ARHGAP42: variants seen among roughly 807,000 people sequenced by gnomAD.
ARHGAP42 encodes the protein Rho GTPase activating protein 42.
Under a neutral mutation model 125.0 loss-of-function variants are expected in ARHGAP42, and 63 were observed. The observed-to-expected ratio is 0.50, with a 90% CI of 0.41 to 0.62. The LOEUF (loss-of-function observed/expected upper bound fraction) is 0.62. Among genes scored for constraint, ARHGAP42 ranks in the 20% least tolerant of loss-of-function variants. The pLI, the probability that ARHGAP42 is intolerant of heterozygous loss-of-function variation, is 0.00. For synonymous variants in ARHGAP42, 339 were observed against 351.0 expected (o/e 0.97, Z 0.38); for missense variants, 766 against 1,024.2 (o/e 0.75, Z 3.44).
chr11:100,937,988 T>C (rs1418731273), intron 8 of ARHGAP42, among the ~76,000 whole-genome samples: 3 of 152,080 alleles, frequency 2.0e-5, no homozygotes, highest in African/African-American at 4.8e-5. Flanking sequence ...TGTTCTAAGA[T>C]GCTTAACTTC....
At chr11:100,788,448 G>A (rs1863486467) in intron 2 of ARHGAP42, among the ~76,000 whole-genome samples, 1 of 152,148 alleles carries the variant, frequency 6.6e-6, no homozygotes, top group Admixed American at 6.5e-5. Context: ...CAAGTACTAG[G>A]TCGTATTTAC....
chr11:100,987,806 AAAATAAATAAAT>A (rs5794089), intron 23 of ARHGAP42, among the ~76,000 whole-genome samples: 5,942 of 142,518 alleles, frequency 0.042, 237 homozygotes, highest in East Asian at 0.16. Context: ...CCCAACCCAC[AAAATAAATAAAT>A]AAATAAATAA....
chr11:100,727,645 T>G (rs1861884594), intron 1 of ARHGAP42, among the ~76,000 whole-genome samples: 1 of 152,220 alleles, frequency 6.6e-6, no homozygotes, highest in Non-Finnish European at 1.5e-5. Context: ...TCCGGGTTGC[T>G]GAGCACATCC....
At chr11:100,754,942 C>T (rs973985656) in intron 1 of ARHGAP42, among the ~76,000 whole-genome samples, 11 of 152,118 alleles carry the variant, frequency 7.2e-5, no homozygotes, top group African/African-American at 2.7e-4. Flanking sequence ...TTAAGAAGAC[C>T]ACTATTGGAG....
At chr11:100,728,714 GTATATATATA>G (rs57293905) in intron 1 of ARHGAP42, among the ~76,000 whole-genome samples, 3,875 of 70,282 alleles carry the variant, frequency 0.055, 122 homozygotes, top group Middle Eastern at 0.083. Flanking sequence ...ATGACTTTGC[GTATATATATA>G]TATATATATA....
chr11:100,760,210 A>G (rs1013518799), intron 1 of ARHGAP42, among the ~76,000 whole-genome samples: 1 of 152,212 alleles, frequency 6.6e-6, no homozygotes, highest in Non-Finnish European at 1.5e-5. Flanking sequence ...TGAAGGTCAC[A>G]GCAGAGACAA....
intron 22 of ARHGAP42, among the ~76,000 whole-genome samples, chr11:100,983,324 G>A (rs973511019): frequency 6.6e-6 from 1 of 152,064 alleles, no homozygotes; most frequent in Non-Finnish European, 1.5e-5. Context: ...CTAAAGAGTT[G>A]AACTGTTTTA....
intron 5 of ARHGAP42, among the ~76,000 whole-genome samples, chr11:100,913,767 T>C (rs564836850): frequency 2.3e-4 from 35 of 152,332 alleles, no homozygotes; most frequent in African/African-American, 7.5e-4. Flanking sequence ...ATGAGAAAGG[T>C]TGAAACAAGA....
chr11:100,711,600 C>T (rs531350794), intron 1 of ARHGAP42, among the ~76,000 whole-genome samples: 73 of 152,352 alleles, frequency 4.8e-4, no homozygotes, highest in African/African-American at 1.7e-3. Context: ...TCAAGTGATC[C>T]TCTTGCCTCA....
chr11:100,779,445 CAA>C (rs869248095), intron 2 of ARHGAP42, among the ~76,000 whole-genome samples: 12,063 of 54,416 alleles, frequency 0.22, 1,818 homozygotes, highest in Middle Eastern at 0.27. Flanking sequence ...GACTGCGTCT[CAA>C]AAAAAAAAAA....
intron 17 of ARHGAP42, among the ~76,000 whole-genome samples, chr11:100,972,230 G>T (rs185889920): frequency 3.3e-5 from 5 of 152,092 alleles, no homozygotes; most frequent in Admixed American, 3.3e-4. Context: ...ACATAATCTT[G>T]TGTTATACTA....
chr11:100,937,439 G>T (rs140668815), intron 8 of ARHGAP42, among the ~76,000 whole-genome samples: 2 of 151,922 alleles, frequency 1.3e-5, no homozygotes, highest in South Asian at 2.1e-4. Flanking sequence ...TTATTGTTAT[G>T]TTTTTTACAC....
chr11:100,771,837 T>G (rs1478352900), intron 2 of ARHGAP42, among the ~76,000 whole-genome samples: 1 of 152,124 alleles, frequency 6.6e-6, no homozygotes, highest in African/African-American at 2.4e-5. Flanking sequence ...CCTGACCTTG[T>G]GATCCACCCG....
chr11:100,716,760 G>A (rs1861667700), intron 1 of ARHGAP42, among the ~76,000 whole-genome samples: 2 of 152,116 alleles, frequency 1.3e-5, no homozygotes. Context: ...TGTAGGATAA[G>A]TCTTGTGAGA....
chr11:100,811,503 C>T (rs66508713), intron 3 of ARHGAP42, among the ~76,000 whole-genome samples: 963 of 30,006 alleles, frequency 0.032, 88 homozygotes, highest in East Asian at 0.12. Context: ...TCTTGACTTT[C>T]TTTTTTTTTT....
intron 2 of ARHGAP42, among the ~76,000 whole-genome samples, chr11:100,780,052 A>C (rs1374164606): frequency 6.6e-6 from 1 of 151,890 alleles, no homozygotes; most frequent in African/African-American, 2.4e-5. Flanking sequence ...AACAAGTTTT[A>C]AAAATATTTA....
chr11:100,812,578 C>T (rs1052281492), intron 3 of ARHGAP42, among the ~76,000 whole-genome samples: 1 of 152,066 alleles, frequency 6.6e-6, no homozygotes, highest in African/African-American at 2.4e-5. Context: ...CAAGGAAGGC[C>T]TCAGTGAGTA....
intron 2 of ARHGAP42, among the ~76,000 whole-genome samples, chr11:100,792,783 CT>C: frequency 6.7e-6 from 1 of 148,408 alleles, no homozygotes; most frequent in South Asian, 2.1e-4. Flanking sequence ...GACCGAGTCT[CT>C]CTCTGTCACC....
In ARHGAP42 at chr11:100,810,303, C is replaced by G. The variant is rs373305257; in HGVS notation, c.312+15137C>G. On this transcript the variant is annotated intron_variant, in intron 3 of 23. Transcript: ENST00000298815. ...TAACCAACATTCTTTTTTCCCCTGA[C>G]TATACTAGACAAGATAATTTACTGT... Among the ~76,000 whole-genome samples, 7 of 152,294 alleles carry G rather than the reference C, an allele frequency of 4.6e-5. No individual in the cohort carries two copies. The East Asian group carries it at 5.8e-4, about 13-fold the overall frequency.
Sources: gnomAD v4.1 joint callset for allele counts (sites outside exome capture counted in the v4.1 genomes callset) on GRCh38, gnomAD v4.1.1 for gene constraint, MANE v1.5 for transcripts, NCBI Gene and HGNC (gene_info 2026-07-23, HGNC 2026-07-21) for gene names.